Variants in ADAMTS12 observed in about 807,000 individuals in gnomAD.
ADAMTS12 encodes the protein A disintegrin and metalloproteinase with thrombospondin motifs 12.
A neutral mutation model predicts 167.8 loss-of-function variants in ADAMTS12; 118 were observed. The observed-to-expected ratio is 0.70, with a 90% confidence interval of 0.61 to 0.82. The LOEUF (loss-of-function observed/expected upper bound fraction) is 0.82. ADAMTS12 is among the 40% of genes least tolerant of loss of function. The pLI is 0.00. For missense variants in ADAMTS12, 1,916 were observed against 1,998.8 expected (o/e 0.96, Z 0.79); for synonymous variants, 704 against 716.9 (o/e 0.98, Z 0.29).
At chr5:33,624,103 C>T in intron 14 of ADAMTS12, 128 bp downstream of exon 14, 1 of 1,412,854 alleles carries the variant, frequency 7.1e-7, no homozygotes, top group Non-Finnish European at 9.6e-7. Flanking sequence ...GGCTATATTC[C>T]ATTTTGAATA....
chr5:33,582,295 A>C (rs1747105887), intron 18 of ADAMTS12, among the ~76,000 whole-genome samples: 4 of 152,238 alleles, frequency 2.6e-5, no homozygotes, highest in African/African-American at 9.6e-5. Flanking sequence ...CCTGGGAAGA[A>C]CTGAGATGTT....
intron 3 of ADAMTS12, among the ~76,000 whole-genome samples, chr5:33,720,098 A>AAC (rs1388798611): frequency 6.6e-6 from 1 of 152,086 alleles, no homozygotes. Context: ...TCCTTATAAA[A>AAC]ACATCCAGAC....
chr5:33,631,338 C>A (rs1189729756), intron 12 of ADAMTS12, among the ~76,000 whole-genome samples: 1 of 152,080 alleles, frequency 6.6e-6, no homozygotes, highest in Non-Finnish European at 1.5e-5. Flanking sequence ...GTAAGTAGAC[C>A]TCCAGGGGAC....
Position 33,710,291 on chromosome 5 carries a change from G to A in ADAMTS12, c.635-26236C>T, listed in dbSNP as rs369671819. Reference sequence around the variant, plus strand: ...ATAAAATTTCTGCTTCTTCACTCAGGTCTATCCTCCAACCATTGCCATATA... The same window carrying A: ...ATAAAATTTCTGCTTCTTCACTCAGATCTATCCTCCAACCATTGCCATATA... On this transcript the variant is annotated intron_variant, in intron 3 of 23. Coordinates refer to ENST00000504830, the MANE Select transcript of ADAMTS12 (RefSeq NM_030955.4). Among the ~76,000 whole-genome samples the A allele has an allele frequency of 4.8e-3, 736 of 152,208 alleles. 47 individuals are homozygous for A. The South Asian group carries it at 0.15, about 30-fold the overall frequency.
At chr5:33,815,221 G>T (rs1165559061) in intron 2 of ADAMTS12, among the ~76,000 whole-genome samples, 1 of 152,184 alleles carries the variant, frequency 6.6e-6, no homozygotes, top group African/African-American at 2.4e-5. Flanking sequence ...GCACAGGTCA[G>T]GGAAGTTGTT....
At chr5:33,620,483 T>C (rs1013148467) in intron 14 of ADAMTS12, among the ~76,000 whole-genome samples, 6 of 152,232 alleles carry the variant, frequency 3.9e-5, no homozygotes, top group Admixed American at 1.3e-4. Context: ...TTTGCAACAC[T>C]TGAGCTCACC....
chr5:33,864,459 A>G (rs1465445728), intron 2 of ADAMTS12, among the ~76,000 whole-genome samples: 9 of 152,184 alleles, frequency 5.9e-5, no homozygotes, highest in African/African-American at 2.2e-4. Context: ...AACCAGAAAT[A>G]CCATTTGACC....
intron 19 of ADAMTS12, among the ~76,000 whole-genome samples, chr5:33,564,087 G>A (rs1745883217): frequency 6.6e-5 from 10 of 152,218 alleles, no homozygotes; most frequent in Admixed American, 6.5e-4. Flanking sequence ...CAGTGGGGCT[G>A]TGGACAGCCT....
intron 3 of ADAMTS12, among the ~76,000 whole-genome samples, chr5:33,739,300 T>C (rs1045003554): frequency 6.6e-6 from 1 of 151,120 alleles, no homozygotes; most frequent in African/African-American, 2.5e-5. Context: ...CACACACACA[T>C]TCTCCATACA....
intron 3 of ADAMTS12, among the ~76,000 whole-genome samples, chr5:33,712,366 C>T (rs2112319527): frequency 6.6e-6 from 1 of 152,236 alleles, no homozygotes; most frequent in African/African-American, 2.4e-5. Context: ...GCTTTCAATG[C>T]TCTTTCGAGG....
Position 33,592,614 on chromosome 5 carries a change from C to T in ADAMTS12, c.2654+3320G>A, listed in dbSNP as rs1276694462. 3.3e-5 allele frequency among the ~76,000 whole-genome samples: 5 copies of T among 152,238 alleles called. No individual in the cohort carries two copies. In the South Asian group the frequency reaches 8.3e-4, roughly 25 times the overall value. On this transcript the variant is annotated intron_variant, in intron 17 of 23. Coordinates refer to ENST00000504830, the MANE Select transcript of ADAMTS12 (RefSeq NM_030955.4). The stretch of plus-strand genomic sequence containing the variant: ...CTCTCCTGGAACATGCTCTACAAGG[C>T]TTTCATCCTGAAAGCCATTGGCAAT...
At chr5:33,885,869 T>C (rs1750618864) in intron 1 of ADAMTS12, among the ~76,000 whole-genome samples, 1 of 152,078 alleles carries the variant, frequency 6.6e-6, no homozygotes, top group Non-Finnish European at 1.5e-5. Context: ...GGCAAGGATG[T>C]GAGAAAAAGC....
intron 18 of ADAMTS12, among the ~76,000 whole-genome samples, chr5:33,585,590 C>T (rs1370710925): frequency 6.6e-6 from 1 of 152,158 alleles, no homozygotes; most frequent in Non-Finnish European, 1.5e-5. Flanking sequence ...AAGGCATGTC[C>T]CTGAAATGGT....
chr5:33,874,085 T>C (rs1441200474), intron 2 of ADAMTS12, among the ~76,000 whole-genome samples: 3 of 152,166 alleles, frequency 2.0e-5, no homozygotes, highest in Non-Finnish European at 4.4e-5. Context: ...CTGGATTTTA[T>C]AAAACTTAAA....
intron 10 of ADAMTS12, among the ~76,000 whole-genome samples, chr5:33,642,841 A>C (rs1561190183): frequency 6.6e-6 from 1 of 152,148 alleles, no homozygotes; most frequent in Admixed American, 6.6e-5. Flanking sequence ...CCCACAAAAC[A>C]TGTAAGCTCT....
intron 5 of ADAMTS12, among the ~76,000 whole-genome samples, chr5:33,679,867 C>T (rs558866579): frequency 3.0e-4 from 46 of 152,168 alleles, no homozygotes; most frequent in Admixed American, 3.9e-4. Flanking sequence ...ATGTAACTTC[C>T]TTAGAGTTGC....
At chr5:33,728,474 G>A (rs190463178) in intron 3 of ADAMTS12, among the ~76,000 whole-genome samples, 13 of 152,238 alleles carry the variant, frequency 8.5e-5, no homozygotes, top group Non-Finnish European at 1.3e-4. Context: ...CTTCAGACTC[G>A]CAAAGCCCTG....
At chr5:33,712,694 A>C (rs1201577896) in intron 3 of ADAMTS12, among the ~76,000 whole-genome samples, 2 of 152,138 alleles carry the variant, frequency 1.3e-5, no homozygotes, top group Non-Finnish European at 2.9e-5. Flanking sequence ...CTACATAACA[A>C]ACTGGCAAAG....
intron 2 of ADAMTS12, among the ~76,000 whole-genome samples, chr5:33,873,284 G>A (rs897144630): frequency 3.3e-5 from 5 of 151,514 alleles, no homozygotes; most frequent in African/African-American, 1.2e-4. Flanking sequence ...TGAACAAGAA[G>A]TATTTAAAAT....
Sources: gnomAD v4.1 joint callset for allele counts (sites outside exome capture counted in the v4.1 genomes callset) on GRCh38, gnomAD v4.1.1 for gene constraint, MANE v1.5 for transcripts, NCBI Gene and HGNC (gene_info 2026-07-23, HGNC 2026-07-21) for gene names.